Variants in VPS13C observed in about 807,000 individuals in gnomAD.
VPS13C encodes the protein vacuolar protein sorting 13 homolog C.
VPS13C carries 358 observed loss-of-function variants against 456.8 expected under a neutral mutation model. That is an observed-to-expected ratio of 0.78 (90% CI 0.72 to 0.86). The LOEUF is 0.86. Ranked by LOEUF, VPS13C falls within the 40% of genes least tolerant of loss-of-function variation. VPS13C has a pLI of 0.00. For missense variants in VPS13C, 4,818 were observed against 4,385.4 expected, an observed-to-expected ratio of 1.10 and a Z score of -2.79; for synonymous variants, 1,578 against 1,486.7, an observed-to-expected ratio of 1.06 and a Z score of -1.41.
chr15:61,872,072 G>T (rs1342764140), intron 78 of VPS13C, 38 bp from the exon 79 acceptor site: 1 of 1,586,426 alleles, frequency 6.3e-7, no homozygotes, highest in East Asian at 2.2e-5. Flanking sequence ...AGACTGAATG[G>T]AAGGTGTTTA....
At chr15:61,956,848 G>A (rs2140306182) in intron 37 of VPS13C, among the ~76,000 whole-genome samples, 1 of 152,212 alleles carries the variant, frequency 6.6e-6, no homozygotes, top group East Asian at 1.9e-4. Flanking sequence ...TTGCTGCTAG[G>A]AAAGTAAATT....
Position 61,929,695 on chromosome 15 carries a change from CTT to C in VPS13C, c.6090_6091del (p.Ile2030MetfsTer12), listed in dbSNP as rs2043990921. On this transcript the variant is annotated frameshift_variant, in exon 51 of 85. Coordinates refer to ENST00000644861, the MANE Select transcript of VPS13C (RefSeq NM_020821.3). LOFTEE classifies it high-confidence loss of function. ...ACTTCCATTTTTGTCTTGTTTGTAA[CTT>C]ATATCAATCATAGAACTGTTGTTAT... 1 of 1,613,700 alleles carries C rather than the reference CTT, an allele frequency of 6.2e-7. No homozygotes were observed. The highest frequency in any genetic ancestry group is 1.1e-5 in the South Asian group (1 of 91,046).
At chr15:61,925,713 C>T (rs2043825669) in intron 52 of VPS13C, among the ~76,000 whole-genome samples, 165 bp from the exon 53 acceptor site, 1 of 152,208 alleles carries the variant, frequency 6.6e-6, no homozygotes, top group African/African-American at 2.4e-5. Context: ...GTTGTGAAGA[C>T]TCTTCTGAAC....
At chr15:61,987,631 C>G (rs767691474) in intron 18 of VPS13C, among the ~76,000 whole-genome samples, 4 of 152,086 alleles carry the variant, frequency 2.6e-5, no homozygotes, top group South Asian at 2.1e-4. Context: ...GGAGAGGACA[C>G]AAAAACCTAA....
Position 61,869,587 on chromosome 15 carries a change from C to T in VPS13C, c.10661G>A (p.Gly3554Glu). The part of the protein sequence containing the change: ...KKEGAAGFFK[G>E]IGKGLVGAVA... The stretch of plus-strand genomic sequence containing the variant: ...AGCACCCACAAGCCCTTTTCCAATT[C>T]CTTTAAAGAATCCAGCAGCTCCTTC... The change falls in exon 80 of 85, where the codon GGA (glycine) becomes GAA (glutamate). Residue 3554 changes from glycine (G) to glutamate (E), a missense_variant. This residue lies in a region of VPS13C where 5 missense variants were observed against 20.6 expected (regional missense o/e 0.24). Coordinates refer to ENST00000644861, the MANE Select transcript of VPS13C (RefSeq NM_020821.3). The T allele has an allele frequency of 1.2e-6, 2 of 1,614,094 alleles. No individual in the cohort carries two copies. Among genetic ancestry groups the T allele is most frequent in the Non-Finnish European group, 1.7e-6 (2 of 1,180,012 alleles).
intron 15 of VPS13C, among the ~76,000 whole-genome samples, chr15:62,004,890 T>C (rs867138407): frequency 1.3e-5 from 2 of 152,238 alleles, no homozygotes; most frequent in African/African-American, 4.8e-5. Flanking sequence ...GAGAGATAGT[T>C]TGCTATAATT....
chr15:61,968,599 C>T (rs2045451865), intron 28 of VPS13C, among the ~76,000 whole-genome samples: 1 of 152,034 alleles, frequency 6.6e-6, no homozygotes, highest in African/African-American at 2.4e-5. Context: ...GCCTCAAATA[C>T]CTGAGCAAAC....
At chr15:61,955,945 T>C (rs2044979637) in intron 37 of VPS13C, among the ~76,000 whole-genome samples, 1 of 152,060 alleles carries the variant, frequency 6.6e-6, no homozygotes, top group Admixed American at 6.6e-5. Flanking sequence ...AAAACAGAAC[T>C]ACCTTTGACC....
chr15:62,048,003 C>T (rs1057333631), intron 1 of VPS13C, among the ~76,000 whole-genome samples: 1 of 149,898 alleles, frequency 6.7e-6, no homozygotes, highest in Non-Finnish European at 1.5e-5. Context: ...GCTAAGAACA[C>T]ATAGAAGTCA....
At position 61,922,729 on chromosome 15, in the gene VPS13C, T is replaced by C. The variant is rs573636554; in HGVS notation, c.6643A>G (p.Ile2215Val). The C allele has an allele frequency of 1.4e-5, 22 of 1,611,884 alleles. No individual in the cohort carries two copies. The African/African-American group carries it at 2.0e-4, about 15-fold the overall frequency. Residue 2215 changes from isoleucine (I) to valine (V), a missense_variant, in exon 54 of 85, where the codon ATC becomes GTC. Ile to Val is a conservative substitution (Grantham distance 29). This residue lies in a region of VPS13C where 4,552 missense variants were observed against 4,130.6 expected (regional missense o/e 1.10). Transcript: ENST00000644861. The part of the protein sequence containing the change: ...SPIILNTVLT[I>V]MAALSPKTKE... Reference sequence around the variant, plus strand: ...GTTTTTGGAGACAATGCAGCCATGATTGTCAACACAGTATTAAGAATTATG... The same window carrying C: ...GTTTTTGGAGACAATGCAGCCATGACTGTCAACACAGTATTAAGAATTATG...
chr15:61,890,601 AG>A (rs1566972455), intron 66 of VPS13C, among the ~76,000 whole-genome samples: 1 of 152,244 alleles, frequency 6.6e-6, no homozygotes, highest in Non-Finnish European at 1.5e-5. Context: ...GAAGACTAAT[AG>A]TACGTAGTTT....
chr15:61,920,052 A>C lies in VPS13C; in HGVS notation c.7477+15T>G, dbSNP rs199776728. ...AACTGCTAAGATACCCTTAAGGAAA[A>C]CAAATATAGCCTACCAATGGTCAGA... On this transcript the variant is annotated intron_variant, in intron 57 of 84. Transcript: ENST00000644861. 2.6e-3 allele frequency: 4,004 copies of C among 1,558,774 alleles called. 130 individuals carry two copies. The South Asian group carries it at 0.045, about 17-fold the overall frequency.
intron 81 of VPS13C, chr15:61,865,751 T>C: frequency 1.7e-6 from 1 of 584,182 alleles, no homozygotes; most frequent in African/African-American, 2.1e-5. Context: ...TATCTGTATG[T>C]GTACATATAT....
At chr15:61,912,714 C>T (rs1426370971) in intron 62 of VPS13C, among the ~76,000 whole-genome samples, 5 of 151,176 alleles carry the variant, frequency 3.3e-5, no homozygotes, top group Non-Finnish European at 5.9e-5. Context: ...CATATGTATA[C>T]ATGTACCATG....
rs530967954 is a variant in VPS13C, at chr15:61,912,653, T to A, written c.8551-649A>T. Among the ~76,000 whole-genome samples, 6 of 145,898 alleles carry A rather than the reference T, an allele frequency of 4.1e-5. No homozygotes were observed. In the East Asian group the frequency reaches 8.1e-4, roughly 20 times the overall value. ...AGGAGCCAACTTGTTTTTTTTTTTTTAATTATACTTTAAGTTTTAGGGTAC... is the reference window on the plus strand; with the variant it reads ...AGGAGCCAACTTGTTTTTTTTTTTTAAATTATACTTTAAGTTTTAGGGTAC... On this transcript the variant is annotated intron_variant, in intron 62 of 84. Coordinates refer to ENST00000644861, the MANE Select transcript of VPS13C (RefSeq NM_020821.3).
At chr15:61,973,641 A>G in intron 25 of VPS13C, 109 bp from the exon 26 acceptor site, 1 of 740,082 alleles carries the variant, frequency 1.4e-6, no homozygotes. Context: ...ATATGGAAAG[A>G]CACATACACA....
chr15:61,940,794 T>A lies in VPS13C; in HGVS notation c.5454A>T (p.Arg1818Ser), dbSNP rs774315228. The A allele has an allele frequency of 6.2e-7, 1 of 1,606,882 alleles. No homozygotes were observed. The highest frequency in any genetic ancestry group is 8.5e-7 in the Non-Finnish European group (1 of 1,176,516). The change falls in exon 47 of 85, where the codon AGA becomes AGT. Residue 1818 changes from arginine to serine, a missense_variant and splice_region_variant. Physicochemically the swap from Arg to Ser is moderately radical, Grantham distance 110 (BLOSUM62 -1). Coordinates refer to ENST00000644861, the MANE Select transcript of VPS13C (RefSeq NM_020821.3). ...NIELTQLKLS[R>S]TILQASLPQN... ...GTGGCAAGCTAGCCTGCAAAATAGTTCTGAAAGAAAAACAAGAATTTATTT... is the reference window on the plus strand; with the variant it reads ...GTGGCAAGCTAGCCTGCAAAATAGTACTGAAAGAAAAACAAGAATTTATTT...
intron 66 of VPS13C, among the ~76,000 whole-genome samples, chr15:61,905,500 A>C (rs1044861685): frequency 6.6e-6 from 1 of 152,180 alleles, no homozygotes; most frequent in African/African-American, 2.4e-5. Flanking sequence ...AGCATGGTCT[A>C]GCAGAAAAAG....
intron 60 of VPS13C, 136 bp from the exon 61 acceptor site, chr15:61,916,158 T>C: frequency 2.9e-6 from 3 of 1,033,732 alleles, no homozygotes; most frequent in Non-Finnish European, 4.1e-6. Context: ...CATGCTTACA[T>C]ATTACAAATG....
Sources: allele counts gnomAD v4.1 joint callset (sites outside exome capture counted in the v4.1 genomes callset), GRCh38; gene constraint gnomAD v4.1.1; regional missense constraint gnomAD v4.1.1; transcripts MANE v1.5; gene names NCBI Gene and HGNC (gene_info 2026-07-23, HGNC 2026-07-21).